The following PRKAR1B variants were observed in gnomAD, a reference collection of about 807,000 sequenced individuals.
PRKAR1B encodes cAMP-dependent protein kinase type I-beta regulatory subunit.
PRKAR1B carries 22 observed loss-of-function variants against 46.5 expected under a neutral mutation model. The observed-to-expected ratio is 0.47, with a 90% confidence interval of 0.34 to 0.68. PRKAR1B has a LOEUF of 0.68. Ranked by LOEUF, PRKAR1B falls within the 30% of genes least tolerant of loss-of-function variation. The probability of loss-of-function intolerance (pLI) is 0.01; values close to 1 mark genes in which losing one functional copy is unlikely to be tolerated. For synonymous variants in PRKAR1B, 259 were observed against 217.7 expected, an observed-to-expected ratio of 1.19 and a Z score of -1.67; for missense variants, 445 against 535.6, an observed-to-expected ratio of 0.83 and a Z score of 1.67.
At position 606,195 on chromosome 7, in the gene PRKAR1B, C is replaced by T. The variant is rs761625232; in HGVS notation, c.547G>A (p.Asp183Asn). 4 of 1,613,952 alleles carry T rather than the reference C, an allele frequency of 2.5e-6. No homozygotes were observed. In the East Asian group the frequency reaches 6.7e-5, roughly 27 times the overall value. ...AAAGACAAGTTAGCGACACTCACATCCACTTCCCCTTGATCAACGACATAG... is the reference window on the plus strand; with the variant it reads ...AAAGACAAGTTAGCGACACTCACATTCACTTCCCCTTGATCAACGACATAG... ...NFYVVDQGEV[D>N]VYVNGEWVTN... The change falls in exon 6 of 11, where the codon GAT becomes AAT. Residue 183 changes from aspartate to asparagine, a missense_variant and splice_region_variant. Coordinates refer to ENST00000537384, the MANE Select transcript of PRKAR1B (RefSeq NM_001164760.2).
At chr7:672,843 G>C (rs978489322) in intron 4 of PRKAR1B, among the ~76,000 whole-genome samples, 2 of 151,722 alleles carry the variant, frequency 1.3e-5, no homozygotes, top group Non-Finnish European at 2.9e-5. Flanking sequence ...CTCCCGCCTG[G>C]GCAAGAAGAG....
intron 7 of PRKAR1B, among the ~76,000 whole-genome samples, chr7:585,768 T>C (rs1195387443): frequency 1.3e-5 from 2 of 152,076 alleles, no homozygotes; most frequent in Non-Finnish European, 2.9e-5. Flanking sequence ...CAGGGCTGAG[T>C]GACCACCCTA....
At chr7:721,085 GTC>G (rs2128534945) in intron 1 of PRKAR1B, among the ~76,000 whole-genome samples, 1 of 152,218 alleles carries the variant, frequency 6.6e-6, no homozygotes, top group African/African-American at 2.4e-5. Context: ...CAACCCATCG[GTC>G]TATCGGCATC....
At chr7:716,238 TAA>T (rs35540539) in intron 1 of PRKAR1B, among the ~76,000 whole-genome samples, 34 of 132,920 alleles carry the variant, frequency 2.6e-4, no homozygotes, top group Admixed American at 3.8e-4. Flanking sequence ...TTTTTTTTTG[TAA>T]AAAAAAAAAA....
chr7:580,536 C>T lies in PRKAR1B; in HGVS notation c.770-1159G>A, dbSNP rs1170445214. Among the ~76,000 whole-genome samples, 3 of 152,262 alleles carry T rather than the reference C, an allele frequency of 2.0e-5. No homozygotes were observed. The East Asian group carries it at 5.8e-4, about 29-fold the overall frequency. ...TGTTGCAACATTAAGGCACAGTATA[C>T]GTTCTACTATTTTAGGTCAAAATGC... On this transcript the variant is annotated intron_variant, in intron 8 of 10. Transcript: ENST00000537384.
intron 1 of PRKAR1B, among the ~76,000 whole-genome samples, chr7:725,273 A>G (rs10254635): frequency 0.014 from 2,121 of 152,188 alleles, 53 homozygotes; most frequent in African/African-American, 0.048. Context: ...GAAGATCAAC[A>G]ACAAAAAAGA....
chr7:711,224 C>T, intron 2 of PRKAR1B, 105 bp downstream of exon 2: 1 of 1,456,742 alleles, frequency 6.9e-7, no homozygotes, highest in East Asian at 2.3e-5. Flanking sequence ...GTCTCTGGGG[C>T]ACCCAGCCTT....
At chr7:590,520 C>T (rs370630466) in intron 7 of PRKAR1B, among the ~76,000 whole-genome samples, 6 of 152,212 alleles carry the variant, frequency 3.9e-5, no homozygotes, top group East Asian at 1.9e-4. Flanking sequence ...GGCCAGCATC[C>T]GGGGAGAAAA....
chr7:610,253 G>T (rs1782398192), intron 4 of PRKAR1B, among the ~76,000 whole-genome samples: 2 of 152,214 alleles, frequency 1.3e-5, no homozygotes, highest in African/African-American at 2.4e-5. Flanking sequence ...CCTAAGCAAA[G>T]GCAGGGGTGG....
chr7:661,159 C>T (rs554568592), intron 4 of PRKAR1B, among the ~76,000 whole-genome samples: 2 of 90,294 alleles, frequency 2.2e-5, no homozygotes, highest in South Asian at 9.6e-4. Context: ...TACTCTGCCC[C>T]CCATGGCACA....
intron 2 of PRKAR1B, among the ~76,000 whole-genome samples, chr7:702,353 T>C (rs1013428244): frequency 2.0e-5 from 3 of 152,074 alleles, no homozygotes; most frequent in Admixed American, 6.6e-5. Context: ...ATGGTAGACC[T>C]AAATCCAACC....
intron 9 of PRKAR1B, chr7:578,911 A>T: frequency 1.5e-6 from 1 of 673,054 alleles, no homozygotes; most frequent in Non-Finnish European, 2.0e-6. Flanking sequence ...CGAACTCCTG[A>T]CCTCAGGTGA....
At chr7:708,790 ATTTTTTT>A (rs367689443) in intron 2 of PRKAR1B, among the ~76,000 whole-genome samples, 1 of 131,786 alleles carries the variant, frequency 7.6e-6, no homozygotes, top group Non-Finnish European at 1.6e-5. Flanking sequence ...CCCGGCCCCA[ATTTTTTT>A]TTTTTTTTTT....
intron 2 of PRKAR1B, among the ~76,000 whole-genome samples, chr7:698,532 G>A (rs1354447278): frequency 3.3e-5 from 5 of 152,042 alleles, no homozygotes; most frequent in Admixed American, 2.6e-4. Flanking sequence ...ACATATGTGT[G>A]AACATGTACA....
intron 6 of PRKAR1B, among the ~76,000 whole-genome samples, chr7:597,850 G>T (rs1781354578): frequency 6.6e-6 from 1 of 152,246 alleles, no homozygotes; most frequent in Non-Finnish European, 1.5e-5. Flanking sequence ...TTTGCCTAAG[G>T]TTTTGTCAAA....
At chr7:624,504 A>AT (rs922250976) in intron 4 of PRKAR1B, among the ~76,000 whole-genome samples, 5 of 152,216 alleles carry the variant, frequency 3.3e-5, no homozygotes, top group Admixed American at 2.6e-4. Flanking sequence ...TATAGAAGCA[A>AT]TTTTTAAAAT....
chr7:616,727 G>A (rs923296781), intron 4 of PRKAR1B, among the ~76,000 whole-genome samples: 22 of 152,196 alleles, frequency 1.4e-4, no homozygotes, highest in African/African-American at 5.1e-4. Context: ...CCAGCTCTAA[G>A]GTGTGGTTCC....
chr7:573,107 G>A (rs888676390), intron 9 of PRKAR1B, among the ~76,000 whole-genome samples: 1 of 152,202 alleles, frequency 6.6e-6, no homozygotes, highest in Non-Finnish European at 1.5e-5. Flanking sequence ...AATAAGCTGC[G>A]AAGCGCGTCG....
chr7:688,095 C>CAAA (rs762256783), intron 2 of PRKAR1B, among the ~76,000 whole-genome samples: 31 of 34,032 alleles, frequency 9.1e-4, no homozygotes, highest in East Asian at 2.7e-3. Context: ...CACTCCACCT[C>CAAA]AAAAAAAAAA....
Sources: allele counts gnomAD v4.1 joint callset (sites outside exome capture counted in the v4.1 genomes callset), GRCh38; gene constraint gnomAD v4.1.1; transcripts MANE v1.5; gene names NCBI Gene and HGNC (gene_info 2026-07-23, HGNC 2026-07-21).